RNF220: variants seen among roughly 807,000 people sequenced by gnomAD.
RNF220 encodes the protein ring finger protein 220.
In RNF220, 7 loss-of-function variants were observed where a neutral mutation model predicts 67.1. That is an observed-to-expected ratio of 0.10 (90% CI 0.06 to 0.20). The LOEUF is 0.20. RNF220 is among the 10% of genes least tolerant of loss of function. The pLI is 1.00. For missense variants in RNF220, 565 were observed against 740.3 expected (o/e 0.76, Z 2.75); for synonymous variants, 270 against 283.2 (o/e 0.95, Z 0.47).
chr1:44,635,187 CA>C, intron 6 of RNF220: 1 of 216,126 alleles, frequency 4.6e-6, no homozygotes. Flanking sequence ...TTCCTGACAC[CA>C]AAAGAGTTCA....
chr1:44,552,720 G>A (rs1572860467), intron 2 of RNF220, among the ~76,000 whole-genome samples: 1 of 151,670 alleles, frequency 6.6e-6, no homozygotes, highest in East Asian at 2.0e-4. Flanking sequence ...ACGGGCACCC[G>A]CCACCACGCC....
intron 2 of RNF220, among the ~76,000 whole-genome samples, chr1:44,578,352 G>C (rs961218647): frequency 6.6e-6 from 1 of 151,916 alleles, no homozygotes; most frequent in Non-Finnish European, 1.5e-5. Flanking sequence ...GTTTCACCAT[G>C]TTGGCCAGGC....
chr1:44,410,314 G>T (rs541241322), intron 1 of RNF220, among the ~76,000 whole-genome samples: 1 of 152,306 alleles, frequency 6.6e-6, no homozygotes, highest in East Asian at 1.9e-4. Flanking sequence ...CATGTTGTAT[G>T]ACCATTAATC....
chr1:44,548,545 A>G (rs1212896470), intron 2 of RNF220, among the ~76,000 whole-genome samples: 1 of 152,012 alleles, frequency 6.6e-6, no homozygotes, highest in Non-Finnish European at 1.5e-5. Context: ...TGAGGCTGGA[A>G]TGCAGTGGTA....
At position 44,650,894 on chromosome 1, in the gene RNF220, A is replaced by C; in HGVS notation, c.*119A>C. The C allele has an allele frequency of 1.2e-6, 1 of 829,778 alleles. No individual in the cohort carries two copies. The highest frequency in any genetic ancestry group is 2.0e-6 in the Non-Finnish European group (1 of 492,834). The allele number at this position is 829,778 out of a possible 1,614,324, so 51.4% of individuals were successfully genotyped here. On this transcript the variant is annotated 3_prime_UTR_variant, in exon 15 of 15. Transcript: ENST00000361799. The surrounding 1 kb of genome is among the most constrained non-coding windows in gnomAD (Gnocchi z 4.3). The stretch of plus-strand genomic sequence containing the variant: ...AGGTTCCCCATGTACATACATGCAC[A>C]TACTCAAACATGCGTACACACACAC...
intron 2 of RNF220, among the ~76,000 whole-genome samples, chr1:44,421,539 C>T (rs369220708): frequency 2.3e-5 from 3 of 131,478 alleles, no homozygotes; most frequent in Non-Finnish European, 3.1e-5. Flanking sequence ...AAGCTTAGGA[C>T]GGGGCTTGAA....
At chr1:44,601,782 G>A (rs1036281820) in intron 2 of RNF220, among the ~76,000 whole-genome samples, 1 of 152,206 alleles carries the variant, frequency 6.6e-6, no homozygotes, top group African/African-American at 2.4e-5. Flanking sequence ...CCAAGAGCAT[G>A]CAAAAGGATT....
Position 44,565,200 on chromosome 1 carries a change from G to C in RNF220, c.626-48965G>C, listed in dbSNP as rs1663903250. 6.6e-6 allele frequency among the ~76,000 whole-genome samples: 1 copy of C among 150,606 alleles called. No homozygotes were observed. Among genetic ancestry groups the C allele is most frequent in the South Asian group, 2.2e-4 (1 of 4,646 alleles). On this transcript the variant is annotated intron_variant, in intron 2 of 14. Coordinates refer to ENST00000361799, the MANE Select transcript of RNF220 (RefSeq NM_018150.4). The surrounding 1 kb of genome is among the most constrained non-coding windows in gnomAD (Gnocchi z 4.2). ...CAGATAGATGTTGGTTCTGTGCCTAGGAATATGTTGGTGAATTATAGCAGT... is the reference window on the plus strand; with the variant it reads ...CAGATAGATGTTGGTTCTGTGCCTACGAATATGTTGGTGAATTATAGCAGT...
At chr1:44,484,918 T>C (rs376794674) in intron 2 of RNF220, among the ~76,000 whole-genome samples, 1 of 152,220 alleles carries the variant, frequency 6.6e-6, no homozygotes, top group East Asian at 1.9e-4. Flanking sequence ...CCAAGGCAGG[T>C]GGATCACAAG....
At chr1:44,602,649 C>T (rs1055336363) in intron 2 of RNF220, among the ~76,000 whole-genome samples, 7 of 152,004 alleles carry the variant, frequency 4.6e-5, no homozygotes, top group African/African-American at 1.7e-4. Context: ...CACTGACTCC[C>T]GACTCCACCC....
chr1:44,569,546 G>A (rs907093497), intron 2 of RNF220, among the ~76,000 whole-genome samples: 1 of 152,214 alleles, frequency 6.6e-6, no homozygotes, highest in Non-Finnish European at 1.5e-5. Flanking sequence ...GGAGCAGTTA[G>A]AGATGTTCTT....
intron 2 of RNF220, among the ~76,000 whole-genome samples, chr1:44,591,061 A>G (rs1666081842): frequency 6.6e-6 from 1 of 152,180 alleles, no homozygotes; most frequent in Admixed American, 6.5e-5. Context: ...TCCTAGGTTC[A>G]AGCGATTCTC....
intron 4 of RNF220, among the ~76,000 whole-genome samples, chr1:44,626,046 A>G (rs2148457944): frequency 6.6e-6 from 1 of 152,240 alleles, no homozygotes; most frequent in South Asian, 2.1e-4. Context: ...GTCTCACTCC[A>G]CTGGGACAGA....
At chr1:44,628,713 G>A (rs1644029572) in intron 5 of RNF220, among the ~76,000 whole-genome samples, 1 of 152,206 alleles carries the variant, frequency 6.6e-6, no homozygotes, top group African/African-American at 2.4e-5. Context: ...CCCTGGATGA[G>A]GCATTCCTTT....
intron 2 of RNF220, among the ~76,000 whole-genome samples, chr1:44,489,200 A>G (rs935909722): frequency 1.3e-5 from 2 of 152,208 alleles, no homozygotes; most frequent in African/African-American, 4.8e-5. Flanking sequence ...TTCAGGGTAC[A>G]GCAAGTTCTA....
intron 5 of RNF220, chr1:44,627,011 T>C (rs1573099129): frequency 8.9e-6 from 1 of 112,010 alleles, no homozygotes; most frequent in South Asian, 3.0e-4. Context: ...CACTCCAGCC[T>C]GGCGACAGAG....
rs759053914 is a variant in RNF220 at position 44,418,882 on chromosome 1, A to G, written c.625+6160A>G. 5.3e-5 allele frequency among the ~76,000 whole-genome samples: 8 copies of G among 152,246 alleles called. No homozygotes were observed. In the Middle Eastern group the frequency reaches 0.01, roughly 194 times the overall value. On this transcript the variant is annotated intron_variant, in intron 2 of 14. Transcript: ENST00000361799. ...GTGACAGCATATTTAATGGAGTTAT[A>G]TTTTTATAATAGTTTTTCTTATTTT...
intron 2 of RNF220, among the ~76,000 whole-genome samples, chr1:44,519,299 C>A (rs557207542): frequency 6.6e-6 from 1 of 152,156 alleles, no homozygotes; most frequent in Non-Finnish European, 1.5e-5. Flanking sequence ...TCAAGCACTA[C>A]GCTAGGCACT....
chr1:44,506,635 C>T (rs1658455273), intron 2 of RNF220, among the ~76,000 whole-genome samples: 1 of 152,244 alleles, frequency 6.6e-6, no homozygotes, highest in Non-Finnish European at 1.5e-5. Context: ...AAAGCAGGTC[C>T]AGCATCTCCC....
Sources: allele counts gnomAD v4.1 joint callset (sites outside exome capture counted in the v4.1 genomes callset), GRCh38; gene constraint gnomAD v4.1.1; non-coding constraint Gnocchi (gnomAD v3.1); transcripts MANE v1.5; gene names NCBI Gene and HGNC (gene_info 2026-07-23, HGNC 2026-07-21).